MARK1: variants seen among roughly 807,000 people sequenced by gnomAD.
The protein encoded by MARK1 is serine/threonine-protein kinase MARK1.
Under a neutral mutation model 96.3 loss-of-function variants are expected in MARK1, and 40 were observed. The ratio of observed to expected loss-of-function variants is 0.42; its 90% CI spans 0.32 to 0.54. MARK1 has a LOEUF of 0.54. MARK1 is among the 20% of genes least tolerant of loss of function. The pLI is 0.16. For missense variants in MARK1, 719 were observed against 984.6 expected (o/e 0.73, Z 3.61); for synonymous variants, 317 against 341.2 (o/e 0.93, Z 0.78).
At chr1:220,659,557 C>T (rs1471158089) in intron 17 of MARK1, among the ~76,000 whole-genome samples, 1 of 152,110 alleles carries the variant, frequency 6.6e-6, no homozygotes, top group Non-Finnish European at 1.5e-5. Context: ...AGGACAATTC[C>T]TGCACCTAGT....
At chr1:220,609,874 G>T (rs1027825533) in intron 6 of MARK1, among the ~76,000 whole-genome samples, 2 of 152,108 alleles carry the variant, frequency 1.3e-5, no homozygotes, top group Non-Finnish European at 2.9e-5. Context: ...GTTGAATATT[G>T]GCCCCCACTT....
chr1:220,550,920 C>T (rs1661812289), intron 1 of MARK1, among the ~76,000 whole-genome samples: 3 of 152,192 alleles, frequency 2.0e-5, no homozygotes, highest in Admixed American at 1.3e-4. Context: ...TATACTTACA[C>T]AATTGTGGAA....
Position 220,651,992 on chromosome 1 carries a change from G to A in MARK1, c.1578G>A (p.Thr526=), listed in dbSNP as rs777831474. The A allele has an allele frequency of 3.1e-5, 50 of 1,592,328 alleles. No homozygotes were observed. The highest frequency in any genetic ancestry group is 1.9e-4 in the South Asian group (17 of 89,248). ...AACTGCTTTATGGTGAAAGCCTTAC[G>A]GAGATGTCTGTGAGTAGCATATCTT... The part of the protein sequence containing the change: ...ALQNGKDSSL[T]EMSVSSISSA... Residue 526 remains threonine, a synonymous_variant, in exon 15 of 18, where the codon ACG becomes ACA. Transcript: ENST00000366917.
chr1:220,589,049 G>T (rs929360186), intron 3 of MARK1, among the ~76,000 whole-genome samples: 3 of 152,188 alleles, frequency 2.0e-5, no homozygotes, highest in African/African-American at 7.2e-5. Flanking sequence ...CAGCCTGAAA[G>T]AACTCTCTCA....
intron 15 of MARK1, among the ~76,000 whole-genome samples, chr1:220,652,514 T>G (rs926741201): frequency 1.3e-5 from 2 of 152,196 alleles, no homozygotes; most frequent in African/African-American, 4.8e-5. Flanking sequence ...TCAGGCTCAA[T>G]TCCTTGTTCT....
intron 13 of MARK1, among the ~76,000 whole-genome samples, chr1:220,650,295 A>T (rs1472204539): frequency 1.3e-5 from 2 of 152,128 alleles, no homozygotes; most frequent in Non-Finnish European, 2.9e-5. Flanking sequence ...TGTTACTTAG[A>T]GCTGCTCACA....
chr1:220,547,074 A>G (rs1369848382), intron 1 of MARK1, among the ~76,000 whole-genome samples: 11 of 152,104 alleles, frequency 7.2e-5, no homozygotes, highest in Admixed American at 2.0e-4. Flanking sequence ...CAAATCACTA[A>G]CCTTTCTTTC....
intron 13 of MARK1, among the ~76,000 whole-genome samples, chr1:220,642,673 G>A (rs182058005): frequency 3.7e-4 from 56 of 152,316 alleles, no homozygotes; most frequent in East Asian, 9.7e-4. Context: ...TTTTGTCTGG[G>A]TGAGACCTCC....
intron 13 of MARK1, among the ~76,000 whole-genome samples, chr1:220,639,679 G>T (rs2103025368): frequency 6.6e-6 from 1 of 152,274 alleles, no homozygotes; most frequent in African/African-American, 2.4e-5. Context: ...CCCTTGGTCT[G>T]TGCAGTCCCA....
At chr1:220,634,367 A>G (rs1251366106) in intron 11 of MARK1, among the ~76,000 whole-genome samples, 1 of 152,200 alleles carries the variant, frequency 6.6e-6, no homozygotes, top group Non-Finnish European at 1.5e-5. Flanking sequence ...CTTCGGAGCC[A>G]GCTTCACTGG....
In MARK1 at chr1:220,551,587, C is replaced by T. The variant is rs375009597; in HGVS notation, c.51+22714C>T. ...TCTTTATCTATCTTTAGGTGATGCTCATTTCTCTTCTCAGTCTCTCCTTAT... is the reference window on the plus strand; with the variant it reads ...TCTTTATCTATCTTTAGGTGATGCTTATTTCTCTTCTCAGTCTCTCCTTAT... On this transcript the variant is annotated intron_variant, in intron 1 of 17. Coordinates refer to ENST00000366917, the MANE Select transcript of MARK1 (RefSeq NM_018650.5). Among the ~76,000 whole-genome samples, 25 of 152,154 alleles carry T rather than the reference C, an allele frequency of 1.6e-4. No homozygotes were observed. In the East Asian group the frequency reaches 4.8e-3, roughly 29 times the overall value.
At chr1:220,553,300 C>T (rs552466169) in intron 1 of MARK1, among the ~76,000 whole-genome samples, 17 of 152,272 alleles carry the variant, frequency 1.1e-4, no homozygotes, top group African/African-American at 3.4e-4. Context: ...CTCAAAGTTC[C>T]GCCTGTACTC....
chr1:220,613,702 G>A (rs1227074628), intron 6 of MARK1, among the ~76,000 whole-genome samples: 1 of 151,984 alleles, frequency 6.6e-6, no homozygotes, highest in Admixed American at 6.5e-5. Context: ...TGAAAATTGG[G>A]TATTAGAATT....
At chr1:220,540,257 T>C (rs1661038647) in intron 1 of MARK1, among the ~76,000 whole-genome samples, 1 of 152,186 alleles carries the variant, frequency 6.6e-6, no homozygotes. Context: ...ACCAGTGATA[T>C]AATTTAGTCT....
intron 13 of MARK1, among the ~76,000 whole-genome samples, chr1:220,642,428 G>A (rs958398957): frequency 6.6e-6 from 1 of 152,282 alleles, no homozygotes; most frequent in South Asian, 2.1e-4. Context: ...ACCAGGCAGG[G>A]CCTCCCTGCA....
At chr1:220,589,969 A>T (rs1300097036) in intron 3 of MARK1, among the ~76,000 whole-genome samples, 2 of 152,170 alleles carry the variant, frequency 1.3e-5, no homozygotes, top group Non-Finnish European at 2.9e-5. Context: ...CTAAATGCCT[A>T]CTCAGCTCTC....
At chr1:220,632,843 A>G (rs1044597934) in intron 11 of MARK1, among the ~76,000 whole-genome samples, 9 of 152,242 alleles carry the variant, frequency 5.9e-5, no homozygotes, top group Non-Finnish European at 1.0e-4. Context: ...ATAACTGCAT[A>G]CAAATGGTGA....
chr1:220,581,410 T>C (rs1268772513), intron 3 of MARK1, among the ~76,000 whole-genome samples: 1 of 152,154 alleles, frequency 6.6e-6, no homozygotes, highest in Non-Finnish European at 1.5e-5. Flanking sequence ...TATTCAAATA[T>C]TTTGAAGTAT....
At chr1:220,617,622 A>G (rs1028996550) in intron 7 of MARK1, among the ~76,000 whole-genome samples, 26 of 152,180 alleles carry the variant, frequency 1.7e-4, no homozygotes, top group African/African-American at 6.0e-4. Flanking sequence ...CTGCTTTAGG[A>G]TTTTGGAAAA....
Sources: allele counts gnomAD v4.1 joint callset (sites outside exome capture counted in the v4.1 genomes callset), GRCh38; gene constraint gnomAD v4.1.1; transcripts MANE v1.5; gene names NCBI Gene and HGNC (gene_info 2026-07-23, HGNC 2026-07-21).